The following GFOD2 variants were observed in gnomAD, a reference collection of about 807,000 sequenced individuals.
GFOD2 encodes the protein Gfo/Idh/MocA-like oxidoreductase domain containing 2.
A neutral mutation model predicts 24.6 loss-of-function variants in GFOD2; 9 were observed. The observed-to-expected ratio is 0.37, with a 90% CI of 0.22 to 0.64. The LOEUF (loss-of-function observed/expected upper bound fraction) is 0.64, where lower values mean the gene tolerates loss of function less well. GFOD2 is among the 30% of genes least tolerant of loss of function. The pLI, the probability that GFOD2 is intolerant of heterozygous loss-of-function variation, is 0.65. For synonymous variants in GFOD2, 211 were observed against 224.8 expected, an observed-to-expected ratio of 0.94 and a Z score of 0.55; for missense variants, 476 against 532.5, an observed-to-expected ratio of 0.89 and a Z score of 1.04.
At chr16:67,716,380 A>T (rs1446458226) in intron 1 of GFOD2, among the ~76,000 whole-genome samples, 1 of 152,208 alleles carries the variant, frequency 6.6e-6, no homozygotes, top group African/African-American at 2.4e-5. Context: ...TTTCACTGTC[A>T]TAGCAACCAG....
intron 2 of GFOD2, chr16:67,681,394 A>G: frequency 5.1e-6 from 5 of 985,310 alleles, no homozygotes; most frequent in Non-Finnish European, 6.0e-6. Context: ...AAAGAGGGAA[A>G]GACCTCTCTT....
intron 1 of GFOD2, among the ~76,000 whole-genome samples, chr16:67,718,771 TTGTC>T (rs2053524200): frequency 6.6e-6 from 1 of 152,136 alleles, no homozygotes; most frequent in South Asian, 2.1e-4. Context: ...CACGAGCCCT[TTGTC>T]TGAGCTTCTA....
intron 1 of GFOD2, among the ~76,000 whole-genome samples, chr16:67,697,438 G>C (rs1376685169): frequency 2.0e-5 from 3 of 152,156 alleles, no homozygotes; most frequent in Admixed American, 6.6e-5. Context: ...TCATAATTCT[G>C]AGCTAATATG....
chr16:67,683,582 T>G, intron 2 of GFOD2: 1 of 1,231,752 alleles, frequency 8.1e-7, no homozygotes, highest in Non-Finnish European at 1.0e-6. Context: ...CAGAGAGAGC[T>G]CTCTGGAAGA....
At chr16:67,683,799 G>A (rs2142993369) in intron 2 of GFOD2, 2 of 1,225,850 alleles carry the variant, frequency 1.6e-6, no homozygotes, top group East Asian at 3.2e-5. Context: ...AAGAGTGGAG[G>A]ACAACCTCAT....
Position 67,686,504 on chromosome 16 carries a change from TA to T in GFOD2, c.-87-703del, listed in dbSNP as rs375722828. ...TGATCTTTAAGGTTCCTTCTTGCTA[TA>T]AAAGTTCATGATTCTATATATGACA... On this transcript the variant is annotated intron_variant, in intron 1 of 2. Coordinates refer to ENST00000268797, the MANE Select transcript of GFOD2 (RefSeq NM_030819.4). Among the ~76,000 whole-genome samples the T allele has an allele frequency of 4.0e-3, 605 of 152,224 alleles. 6 individuals are homozygous for T. Among genetic ancestry groups the T allele is most frequent in the African/African-American group, 0.013 (556 of 41,534 alleles).
intron 1 of GFOD2, among the ~76,000 whole-genome samples, chr16:67,687,446 C>T (rs1324731935): frequency 2.6e-5 from 4 of 151,646 alleles, no homozygotes; most frequent in African/African-American, 9.7e-5. Flanking sequence ...AGAGACCATC[C>T]TCACTAACAC....
chr16:67,718,826 C>G (rs1222184992), intron 1 of GFOD2, among the ~76,000 whole-genome samples: 2 of 152,340 alleles, frequency 1.3e-5, no homozygotes, highest in Middle Eastern at 6.8e-3. Context: ...CATCCTCACA[C>G]AGTCAGGTGG....
intron 1 of GFOD2, among the ~76,000 whole-genome samples, chr16:67,686,992 TAA>T (rs1262651982): frequency 6.9e-6 from 1 of 144,128 alleles, no homozygotes; most frequent in Non-Finnish European, 1.5e-5. Flanking sequence ...ACCAAAAATA[TAA>T]AAAGTTAGCC....
intron 1 of GFOD2, among the ~76,000 whole-genome samples, chr16:67,718,946 G>A (rs1328101286): frequency 1.3e-5 from 2 of 152,152 alleles, no homozygotes; most frequent in South Asian, 2.1e-4. Context: ...CACCAAGCCT[G>A]CGGGTCCTAT....
chr16:67,699,484 T>C (rs981732870), intron 1 of GFOD2, among the ~76,000 whole-genome samples: 15 of 152,224 alleles, frequency 9.9e-5, no homozygotes, highest in Admixed American at 2.0e-4. Context: ...GGTGTTTTTT[T>C]GTTTGTTAGT....
chr16:67,706,005 C>T (rs1267752383), intron 1 of GFOD2, among the ~76,000 whole-genome samples: 5 of 117,308 alleles, frequency 4.3e-5, no homozygotes, highest in Non-Finnish European at 5.0e-5. Flanking sequence ...TTTTTGGAGA[C>T]GGAGTCTTGC....
At chr16:67,704,155 A>G (rs1390654689) in intron 1 of GFOD2, among the ~76,000 whole-genome samples, 1 of 152,168 alleles carries the variant, frequency 6.6e-6, no homozygotes, top group African/African-American at 2.4e-5. Flanking sequence ...TGAACTTGGG[A>G]GTACAAATTA....
chr16:67,692,574 T>C (rs1306878276), intron 1 of GFOD2, among the ~76,000 whole-genome samples: 1 of 151,492 alleles, frequency 6.6e-6, no homozygotes, highest in African/African-American at 2.4e-5. Flanking sequence ...AGCAAGACTC[T>C]GTCTCAAACA....
Position 67,697,665 on chromosome 16 carries a change from G to A in GFOD2, c.-87-11863C>T, listed in dbSNP as rs1248339418. Among the ~76,000 whole-genome samples, 8 of 152,298 alleles carry A rather than the reference G, an allele frequency of 5.3e-5. 1 individual carries two copies. The highest frequency in any genetic ancestry group is 5.2e-4 in the Admixed American group (8 of 15,302). ...AACAAGAAAGAAAAAGAGTCATTTT[G>A]TAACATGTGCATGTGTGGAGCAACT... On this transcript the variant is annotated intron_variant, in intron 1 of 2. Coordinates refer to ENST00000268797, the MANE Select transcript of GFOD2 (RefSeq NM_030819.4).
intron 2 of GFOD2, chr16:67,685,202 C>T: frequency 7.1e-7 from 1 of 1,415,786 alleles, no homozygotes; most frequent in Non-Finnish European, 9.2e-7. Flanking sequence ...ATGCAACCAT[C>T]TCCAGCCCCT....
At chr16:67,683,573 A>G in intron 2 of GFOD2, 1 of 1,231,738 alleles carries the variant, frequency 8.1e-7, no homozygotes, top group Non-Finnish European at 1.0e-6. Flanking sequence ...ACACATCCTC[A>G]GAGAGAGCTC....
At chr16:67,687,893 C>T (rs149930891) in intron 1 of GFOD2, among the ~76,000 whole-genome samples, 3,753 of 151,880 alleles carry the variant, frequency 0.025, 59 homozygotes, top group Non-Finnish European at 0.037. Context: ...GTAGAAGGAT[C>T]GCTTGAGCCC....
intron 2 of GFOD2, 46 bp from the exon 3 acceptor site, chr16:67,676,099 T>A (rs1192105367): frequency 6.6e-7 from 1 of 1,514,138 alleles, no homozygotes; most frequent in South Asian, 1.3e-5. Context: ...CAAGGGGGAA[T>A]CTCCAGCATG....
Sources: allele counts gnomAD v4.1 joint callset (sites outside exome capture counted in the v4.1 genomes callset), GRCh38; gene constraint gnomAD v4.1.1; transcripts MANE v1.5; gene names NCBI Gene and HGNC (gene_info 2026-07-23, HGNC 2026-07-21).